The following PUM3 variants were observed in gnomAD, a reference collection of about 807,000 sequenced individuals.
The protein encoded by PUM3 is pumilio homolog 3.
In PUM3, 91 loss-of-function variants were observed where a neutral mutation model predicts 84.0. That is an observed-to-expected ratio of 1.08 (90% CI 0.91 to 1.29). The LOEUF (loss-of-function observed/expected upper bound fraction) is 1.29, where lower values mean the gene tolerates loss of function less well. Among genes scored for constraint, PUM3 ranks in the 50% most tolerant of loss-of-function variants. The pLI is 0.00. For missense variants in PUM3, 1,067 were observed against 767.5 expected (o/e 1.39, Z -4.61); for synonymous variants, 321 against 266.7 (o/e 1.20, Z -1.98).
chr9:2,808,315 C>A (rs1190301385), intron 16 of PUM3, among the ~76,000 whole-genome samples: 2 of 152,226 alleles, frequency 1.3e-5, no homozygotes, highest in Non-Finnish European at 2.9e-5. Flanking sequence ...TGCTCACTCA[C>A]AAGGTGCCAT....
intron 13 of PUM3, among the ~76,000 whole-genome samples, chr9:2,817,833 G>A (rs1388262349): frequency 6.6e-6 from 1 of 152,110 alleles, no homozygotes; most frequent in Non-Finnish European, 1.5e-5. Context: ...TAAAGACAAT[G>A]GCTTTAAAAA....
chr9:2,820,982 A>T (rs1821577014), intron 12 of PUM3, among the ~76,000 whole-genome samples: 1 of 152,222 alleles, frequency 6.6e-6, no homozygotes, highest in South Asian at 2.1e-4. Context: ...CTCTGATAGG[A>T]ATTTGATTTT....
chr9:2,832,023 C>A (rs1369421233), intron 5 of PUM3, among the ~76,000 whole-genome samples: 2 of 152,152 alleles, frequency 1.3e-5, no homozygotes, highest in Admixed American at 6.5e-5. Context: ...AATCATCCAT[C>A]ATGCAAAATT....
At chr9:2,841,396 C>T (rs1816259989) in intron 1 of PUM3, among the ~76,000 whole-genome samples, 2 of 152,070 alleles carry the variant, frequency 1.3e-5, no homozygotes, top group Non-Finnish European at 2.9e-5. Context: ...CAAACCCCAT[C>T]TCTACTAAAA....
Position 2,820,093 on chromosome 9 carries a change from T to C in PUM3, c.1194A>G (p.Gln398=), listed in dbSNP as rs145738012. The change falls in exon 13 of 18, where the codon CAA becomes CAG. Residue 398 remains glutamine, a synonymous_variant. Coordinates refer to ENST00000397885, the MANE Select transcript of PUM3 (RefSeq NM_014878.5). The part of the protein sequence containing the change: ...KTYVEKVANG[Q]YSHLVLLAAF... ...CCGCCAGTAAAACCAAATGGGAGTA[T>C]TGGCCCTGCAAGAATTGGAAGCCAG... 1.9e-6 allele frequency: 3 copies of C among 1,609,412 alleles called. No homozygotes were observed. The highest frequency in any genetic ancestry group is 2.2e-5 in the South Asian group (2 of 90,872).
At chr9:2,806,408 T>C (rs752104987) in intron 17 of PUM3, among the ~76,000 whole-genome samples, 1 of 152,218 alleles carries the variant, frequency 6.6e-6, no homozygotes, top group African/African-American at 2.4e-5. Flanking sequence ...TGTGTGAGTA[T>C]TATGTGTACC....
chr9:2,828,825 T>C, intron 8 of PUM3, 47 bp from the exon 9 acceptor site: 1 of 1,065,284 alleles, frequency 9.4e-7, no homozygotes, highest in Non-Finnish European at 1.4e-6. Flanking sequence ...TAATCAATTT[T>C]TTCACTTCAG....
intron 14 of PUM3, among the ~76,000 whole-genome samples, 187 bp from the exon 15 acceptor site, chr9:2,811,770 T>G (rs1456599867): frequency 6.6e-6 from 1 of 151,152 alleles, no homozygotes; most frequent in African/African-American, 2.4e-5. Context: ...AAAATGTTTG[T>G]GTCCCACGAT....
chr9:2,838,283 T>A, intron 2 of PUM3, 143 bp downstream of exon 2: 2 of 638,680 alleles, frequency 3.1e-6, no homozygotes, highest in South Asian at 4.1e-5. Context: ...ATGAGCAACA[T>A]GTTAACTCAT....
intron 13 of PUM3, among the ~76,000 whole-genome samples, chr9:2,813,770 A>C (rs1344498796): frequency 6.6e-6 from 1 of 152,204 alleles, no homozygotes; most frequent in Non-Finnish European, 1.5e-5. Context: ...TCCAGGTTCC[A>C]AACACCATGT....
chr9:2,824,775 G>A lies in PUM3; in HGVS notation c.1076C>T (p.Ala359Val), dbSNP rs1274845399. ...EAIREAVVYLAHTHDGARVAM... is the reference protein window; with the variant it reads ...EAIREAVVYLVHTHDGARVAM... ...CACTCTGGCGCCATCGTGTGTGTGT[G>A]CCAGGTAGACCACCGCTTCGCGGAT... The change falls in exon 11 of 18, where the codon GCA becomes GTA. Residue 359 changes from alanine (A) to valine (V), a missense_variant. Physicochemically the swap from Ala to Val is moderately conservative, Grantham distance 64. Transcript: ENST00000397885. 3.2e-6 allele frequency: 5 copies of A among 1,586,250 alleles called. No homozygotes were observed. Among genetic ancestry groups the A allele is most frequent in the Non-Finnish European group, 3.4e-6 (4 of 1,162,148 alleles).
intron 12 of PUM3, among the ~76,000 whole-genome samples, chr9:2,821,408 C>G (rs1048603781): frequency 1.6e-5 from 2 of 122,276 alleles, no homozygotes; most frequent in African/African-American, 6.3e-5. Context: ...CGCGCCACGG[C>G]ACTCCAGCCT....
chr9:2,830,929 GA>G, intron 7 of PUM3, 32 bp downstream of exon 7: 1 of 1,107,006 alleles, frequency 9.0e-7, no homozygotes. Flanking sequence ...AAAAGACAAA[GA>G]AAAAATGTAT....
chr9:2,812,397 T>A, intron 13 of PUM3, 35 bp from the exon 14 acceptor site: 3 of 1,417,526 alleles, frequency 2.1e-6, no homozygotes, highest in Non-Finnish European at 2.0e-6. Flanking sequence ...AGAATCAATA[T>A]CTGCATTCTC....
At chr9:2,820,201 CAAAAAAAA>C (rs58442595) in intron 12 of PUM3, 103 bp from the exon 13 acceptor site, 4 of 146,914 alleles carry the variant, frequency 2.7e-5, no homozygotes, top group Admixed American at 1.2e-4. Context: ...AGACTCCGCT[CAAAAAAAA>C]AAAAAAAAAA....
chr9:2,806,738 A>C lies in PUM3; in HGVS notation c.1814+1076T>G, dbSNP rs982204668. Among the ~76,000 whole-genome samples, 5 of 152,216 alleles carry C rather than the reference A, an allele frequency of 3.3e-5. No homozygotes were observed. In the East Asian group the frequency reaches 9.6e-4, roughly 29 times the overall value. On this transcript the variant is annotated intron_variant, in intron 17 of 17. Coordinates refer to ENST00000397885, the MANE Select transcript of PUM3 (RefSeq NM_014878.5). Reference sequence around the variant, plus strand: ...AATACAAAAGAGGCCATAGCTCATCACTGTTTTTTTCTCATTTTAAGTCAG... The same window carrying C: ...AATACAAAAGAGGCCATAGCTCATCCCTGTTTTTTTCTCATTTTAAGTCAG...
At chr9:2,819,499 A>G (rs1484509585) in intron 13 of PUM3, among the ~76,000 whole-genome samples, 1 of 152,212 alleles carries the variant, frequency 6.6e-6, no homozygotes, top group Non-Finnish European at 1.5e-5. Flanking sequence ...AAGCATCACA[A>G]CTGAGTGAGT....
At chr9:2,833,245 C>T in intron 5 of PUM3, 112 bp downstream of exon 5, 1 of 517,676 alleles carries the variant, frequency 1.9e-6, no homozygotes, top group Non-Finnish European at 3.4e-6. Context: ...AAACTTTTGG[C>T]CAAATACACC....
intron 12 of PUM3, among the ~76,000 whole-genome samples, chr9:2,821,537 T>G (rs989493418): frequency 5.3e-5 from 8 of 151,224 alleles, no homozygotes; most frequent in Admixed American, 5.3e-4. Context: ...CTTTATGAAC[T>G]AATTAAGGAC....
Sources: gnomAD v4.1 joint callset for allele counts (sites outside exome capture counted in the v4.1 genomes callset) on GRCh38, gnomAD v4.1.1 for gene constraint, MANE v1.5 for transcripts, NCBI Gene and HGNC (gene_info 2026-07-23, HGNC 2026-07-21) for gene names.